The following THUMPD2 variants were observed in gnomAD, a reference collection of about 807,000 sequenced individuals.
The protein encoded by THUMPD2 is U6 snRNA (guanine-N(2))-methyltransferase THUMPD2.
In THUMPD2, 56 loss-of-function variants were observed where a neutral mutation model predicts 49.4. The observed-to-expected ratio is 1.13, with a 90% CI of 0.91 to 1.41. THUMPD2 has a LOEUF of 1.41. Among genes scored for constraint, THUMPD2 ranks in the 40% most tolerant of loss-of-function variants. THUMPD2 has a pLI of 0.00. For missense variants in THUMPD2, 709 were observed against 594.5 expected, an observed-to-expected ratio of 1.19 and a Z score of -2.00; for synonymous variants, 237 against 205.2, an observed-to-expected ratio of 1.15 and a Z score of -1.32.
At position 39,770,092 on chromosome 2, in the gene THUMPD2, A is replaced by T. The variant is rs752731909; in HGVS notation, c.290T>A (p.Leu97His). The T allele has an allele frequency of 6.6e-7, 1 of 1,522,468 alleles. No homozygotes were observed. Among genetic ancestry groups the T allele is most frequent in the Non-Finnish European group, 8.7e-7 (1 of 1,146,784 alleles). 94.3% of individuals were successfully genotyped at this position (1,522,468 alleles called of 1,614,324 possible). Residue 97 changes from leucine (L) to histidine (H), a missense_variant, in exon 3 of 10, where the codon CTT (leucine) becomes CAT (histidine). Leu to His is a moderately conservative substitution (Grantham distance 99, BLOSUM62 -3). Transcript: ENST00000505747. ...CCAACTTCCTGGATCTTCATTTATA[A>T]GTCTTTGCATTTCATTAAATATTTT... ...KGKIFNEMQR[L>H]INEDPGSWLN...
intron 4 of THUMPD2, among the ~76,000 whole-genome samples, chr2:39,767,115 A>G (rs1427384893): frequency 2.0e-5 from 3 of 152,246 alleles, no homozygotes; most frequent in African/African-American, 4.8e-5. Flanking sequence ...AAATTTTACT[A>G]CGTGTGATTT....
In THUMPD2 at chr2:39,771,590, A is replaced by G; in HGVS notation, c.177T>C (p.Asn59=). 3 of 1,605,944 alleles carry G rather than the reference A, an allele frequency of 1.9e-6. No individual in the cohort carries two copies. The highest frequency in any genetic ancestry group is 2.5e-6 in the Non-Finnish European group (3 of 1,177,774). The change falls in exon 2 of 10, where the codon AAT becomes AAC. Residue 59 remains asparagine, a synonymous_variant. Coordinates refer to ENST00000505747, the MANE Select transcript of THUMPD2 (RefSeq NM_025264.5). ...KVFFTTCSDL[N]MLKKLKSAER... ...CTGCAGATTTTAATTTCTTCAACAT[A>G]TTCAAATCAGAACAGGTGGTGAAAA...
At chr2:39,743,454 G>T (rs1674170112) in intron 9 of THUMPD2, among the ~76,000 whole-genome samples, 1 of 152,164 alleles carries the variant, frequency 6.6e-6, no homozygotes, top group Admixed American at 6.5e-5. Context: ...AGCTGCTATA[G>T]TTTGGATGTT....
chr2:39,749,830 A>T (rs1675155302), intron 8 of THUMPD2, among the ~76,000 whole-genome samples: 1 of 151,668 alleles, frequency 6.6e-6, no homozygotes, highest in African/African-American at 2.4e-5. Flanking sequence ...GCTCCCACTT[A>T]TAAGTGAAAA....
At chr2:39,771,211 G>A (rs530086022) in intron 2 of THUMPD2, among the ~76,000 whole-genome samples, 1 of 152,080 alleles carries the variant, frequency 6.6e-6, no homozygotes, top group East Asian at 1.9e-4. Context: ...CCAAATAAAT[G>A]CAACTGACCA....
chr2:39,736,702 A>T lies in THUMPD2; in HGVS notation c.*33T>A. ...ACTTCTGCTGTACAGCTAACTTACA[A>T]GGGCCTGAACCCGGCTGATGGCAGC... On this transcript the variant is annotated 3_prime_UTR_variant, in exon 10 of 10. Transcript: ENST00000505747. 1 of 1,579,280 alleles carries T rather than the reference A, an allele frequency of 6.3e-7. No individual in the cohort carries two copies. Among genetic ancestry groups the T allele is most frequent in the Non-Finnish European group, 8.6e-7 (1 of 1,159,946 alleles).
chr2:39,761,186 G>A, intron 6 of THUMPD2, 145 bp downstream of exon 6: 2 of 676,630 alleles, frequency 3.0e-6, no homozygotes, highest in East Asian at 2.6e-5. Context: ...CAGTTTGTAA[G>A]TACAATGGCA....
chr2:39,761,458 G>A, intron 5 of THUMPD2, 40 bp from the exon 6 acceptor site: 1 of 1,552,042 alleles, frequency 6.4e-7, no homozygotes, highest in South Asian at 1.1e-5. Flanking sequence ...ATTACACATT[G>A]AACAACAAGA....
At chr2:39,774,194 G>A (rs1397913607) in intron 1 of THUMPD2, among the ~76,000 whole-genome samples, 1 of 152,202 alleles carries the variant, frequency 6.6e-6, no homozygotes, top group African/African-American at 2.4e-5. Flanking sequence ...GATAGGATCT[G>A]GCCAGTGAAA....
chr2:39,755,772 T>G (rs1676025040), intron 7 of THUMPD2, 117 bp downstream of exon 7: 15 of 763,154 alleles, frequency 2.0e-5, no homozygotes, highest in Non-Finnish European at 3.2e-5. Flanking sequence ...AAATAATAAC[T>G]CATATAATTA....
At chr2:39,776,822 T>C (rs1679176686) in intron 1 of THUMPD2, among the ~76,000 whole-genome samples, 1 of 152,240 alleles carries the variant, frequency 6.6e-6, no homozygotes, top group Non-Finnish European at 1.5e-5. Context: ...GGAGCATGTT[T>C]TCATGTTAAA....
intron 6 of THUMPD2, chr2:39,757,323 A>G (rs959402253): frequency 9.0e-7 from 1 of 1,117,132 alleles, no homozygotes; most frequent in South Asian, 1.3e-5. Context: ...CAGAGGAAGC[A>G]GAGTCCTCAG....
At chr2:39,779,001 G>T in intron 1 of THUMPD2, 113 bp downstream of exon 1, 2 of 1,286,192 alleles carry the variant, frequency 1.6e-6, no homozygotes, top group Non-Finnish European at 2.0e-6. Flanking sequence ...GGCGACCGTC[G>T]CGTGGAACAG....
rs750645913 is a variant in THUMPD2 at position 39,737,274 on chromosome 2, T to TTACTC, written c.1188-220_1188-216dup. 8.2e-3 allele frequency among the ~76,000 whole-genome samples: 817 copies of TTACTC among 100,244 alleles called. 7 individuals are homozygous for TTACTC. The highest frequency in any genetic ancestry group is 0.029 in the African/African-American group (780 of 26,560). The allele number at this position is 100,244 out of a possible 152,430, so 65.8% of individuals were successfully genotyped here. ...ACAAATCTGCTTTAATTATCTATTTTTACTCAAAAGGCAAGCCTCAAAGTA... is the reference window on the plus strand; with the variant it reads ...ACAAATCTGCTTTAATTATCTATTTTTACTCTACTCAAAAGGCAAGCCTCAAAGTA... On this transcript the variant is annotated intron_variant, in intron 9 of 9. Transcript: ENST00000505747.
At position 39,736,243 on chromosome 2, in the gene THUMPD2, C is replaced by T. The variant is rs949435138; in HGVS notation, c.*492G>A. ...AGTTATTATTCTCACTGTTGGTTTA[C>T]ATAATAAACATATAAAATGTATTGC... On this transcript the variant is annotated 3_prime_UTR_variant, in exon 10 of 10. Coordinates refer to ENST00000505747, the MANE Select transcript of THUMPD2 (RefSeq NM_025264.5). 2.0e-5 allele frequency: 3 copies of T among 152,684 alleles called. No homozygotes were observed. The highest frequency in any genetic ancestry group is 2.9e-5 in the Non-Finnish European group (2 of 68,454). The allele number at this position is 152,684 out of a possible 1,614,324, so 9.5% of individuals were successfully genotyped here. A position where few individuals can be genotyped will look rare whatever the true frequency, so the allele number is the denominator to read the frequency against.
At chr2:39,763,654 CTTTTT>C (rs918553157) in intron 5 of THUMPD2, among the ~76,000 whole-genome samples, 13 of 152,198 alleles carry the variant, frequency 8.5e-5, no homozygotes, top group African/African-American at 2.9e-4. Context: ...CTCCTTCTCT[CTTTTT>C]ATTTCCCTTT....
At chr2:39,777,840 G>C (rs146406242) in intron 1 of THUMPD2, among the ~76,000 whole-genome samples, 38 of 152,284 alleles carry the variant, frequency 2.5e-4, no homozygotes, top group Non-Finnish European at 4.9e-4. Flanking sequence ...CTTTAGAGAA[G>C]ATGGAGAACA....
chr2:39,745,819 AT>A (rs1558493496), intron 8 of THUMPD2, among the ~76,000 whole-genome samples: 1 of 152,214 alleles, frequency 6.6e-6, no homozygotes, highest in Non-Finnish European at 1.5e-5. Flanking sequence ...GAAGAGAATA[AT>A]TTTTAAAAAA....
At chr2:39,759,118 G>A (rs1363255039) in intron 6 of THUMPD2, among the ~76,000 whole-genome samples, 1 of 152,034 alleles carries the variant, frequency 6.6e-6, no homozygotes, top group Non-Finnish European at 1.5e-5. Flanking sequence ...TAGGAGACTT[G>A]GAGGATAGAG....
Sources: gnomAD v4.1 joint callset for allele counts (sites outside exome capture counted in the v4.1 genomes callset) on GRCh38, gnomAD v4.1.1 for gene constraint, MANE v1.5 for transcripts, NCBI Gene and HGNC (gene_info 2026-07-23, HGNC 2026-07-21) for gene names.